Variants in POLE observed in about 807,000 individuals in gnomAD.
POLE encodes the protein DNA polymerase epsilon, catalytic subunit.
Under a neutral mutation model 279.2 loss-of-function variants are expected in POLE, and 188 were observed. The observed-to-expected ratio is 0.67, with a 90% CI of 0.60 to 0.76. The LOEUF (loss-of-function observed/expected upper bound fraction) is 0.76, where lower values mean the gene tolerates loss of function less well. Among genes scored for constraint, POLE ranks in the 30% least tolerant of loss-of-function variants. The pLI, the probability that POLE is intolerant of heterozygous loss-of-function variation, is 0.00. For synonymous variants in POLE, 1,214 were observed against 1,172.5 expected (o/e 1.04, Z -0.72); for missense variants, 2,703 against 3,016.7 (o/e 0.90, Z 2.44).
chr12:132,674,095 CG>C (rs1565973681), intron 12 of POLE, among the ~76,000 whole-genome samples: 1 of 152,038 alleles, frequency 6.6e-6, no homozygotes, highest in Non-Finnish European at 1.5e-5. Flanking sequence ...CCCTTCAGCA[CG>C]GAAACACTCA....
chr12:132,676,035 G>T, intron 10 of POLE, 59 bp downstream of exon 10: 1 of 1,177,092 alleles, frequency 8.5e-7, no homozygotes, highest in Non-Finnish European at 1.2e-6. Flanking sequence ...GCCTTGGAAA[G>T]ATCCACATGT....
rs2043133865 is a variant in POLE, at chr12:132,679,976, A to G, written c.401T>C (p.Val134Ala). Residue 134 changes from valine to alanine, a missense_variant, in exon 5 of 49, where the codon GTC (valine) becomes GCC (alanine). Physicochemically the swap from Val to Ala is moderately conservative, Grantham distance 64. Transcript: ENST00000320574. ...FQGKIAKVET[V>A]PKEDLDLPNH... Reference sequence around the variant, plus strand: ...CACCAAGTCCAGATCCTCTTTGGGGACAGTCTCCACTTTTGCAATTTTGCC... The same window carrying G: ...CACCAAGTCCAGATCCTCTTTGGGGGCAGTCTCCACTTTTGCAATTTTGCC... 6.2e-7 allele frequency: 1 copy of G among 1,613,202 alleles called. No homozygotes were observed. Among genetic ancestry groups the G allele is most frequent in the African/African-American group, 1.3e-5 (1 of 74,910 alleles).
chr12:132,659,231 G>A lies in POLE; in HGVS notation c.3275+64C>T, dbSNP rs5744862. 3 of 1,522,018 alleles carry A rather than the reference G, an allele frequency of 2.0e-6. No homozygotes were observed. The Admixed American group carries it at 5.4e-5, about 27-fold the overall frequency. 94.3% of individuals were successfully genotyped at this position (1,522,018 alleles called of 1,614,324 possible). On this transcript the variant is annotated intron_variant, in intron 26 of 48. Transcript: ENST00000320574. ...GGAGCCCTCACCTCTCCGTGACGGA[G>A]GGAGCCCTCACCTGTCCGTGATGGG...
chr12:132,664,421 A>G lies in POLE; in HGVS notation c.2510T>C (p.Phe837Ser), dbSNP rs139182500. Residue 837 changes from phenylalanine to serine, a missense_variant, in exon 22 of 49, where the codon TTC becomes TCC. Phe to Ser is a radical substitution (Grantham distance 155). Around this residue, in one of 5 missense-constraint regions of POLE, gnomAD observed 21 missense variants for 51.9 expected, o/e 0.40. Transcript: ENST00000320574. This position sits in a 1 kb window ranked among gnomAD's most constrained non-coding sequence, Gnocchi z 5.3. ...CTGGGTGATGATGTTGGCCCCTGTGAAGCAGACGATGCCAGCCATCTCCAT... is the reference window on the plus strand; with the variant it reads ...CTGGGTGATGATGTTGGCCCCTGTGGAGCAGACGATGCCAGCCATCTCCAT... ...YSMEMAGIVCFTGANIITQAR... is the reference protein window; with the variant it reads ...YSMEMAGIVCSTGANIITQAR... The G allele has an allele frequency of 2.4e-4, 384 of 1,613,958 alleles. 1 individual carries two copies. The highest frequency in any genetic ancestry group is 2.2e-4 in the Admixed American group (13 of 59,996).
At chr12:132,632,597 C>G (rs924913449) in intron 44 of POLE, 67 bp downstream of exon 44, 2 of 1,610,812 alleles carry the variant, frequency 1.2e-6, no homozygotes, top group Non-Finnish European at 8.5e-7. Context: ...GGGGACCACC[C>G]ATGGCACACA....
intron 2 of POLE, 165 bp downstream of exon 2, chr12:132,680,973 G>T: frequency 1.3e-6 from 1 of 767,864 alleles, no homozygotes; most frequent in Non-Finnish European, 2.0e-6. Flanking sequence ...CCTCTCTGTG[G>T]CCCTCAATGA....
intron 29 of POLE, among the ~76,000 whole-genome samples, chr12:132,653,680 T>G (rs2042472113): frequency 6.6e-6 from 1 of 152,358 alleles, no homozygotes; most frequent in Middle Eastern, 3.4e-3. Context: ...GGTTTAATTA[T>G]GCTGGCTAGG....
rs775465416 is a variant in POLE, at chr12:132,676,067, G to C, written c.1020+27C>G. 23 of 1,412,198 alleles carry C rather than the reference G, an allele frequency of 1.6e-5. No homozygotes were observed. In the African/African-American group the frequency reaches 1.9e-4, roughly 11 times the overall value. 87.5% of individuals were successfully genotyped at this position (1,412,198 alleles called of 1,614,324 possible). On this transcript the variant is annotated intron_variant, in intron 10 of 48. Transcript: ENST00000320574. ...ATGTCCGTTCTTCCCACAATACCGG[G>C]TAGTTTCCCAAGTGATACCTCCTTA...
chr12:132,659,224 T>A, intron 26 of POLE, 71 bp downstream of exon 26: 1 of 1,485,874 alleles, frequency 6.7e-7, no homozygotes, highest in South Asian at 1.2e-5. Flanking sequence ...CACCTCTCCG[T>A]GACGGAGGGA....
intron 41 of POLE, among the ~76,000 whole-genome samples, chr12:132,637,658 G>C (rs926319755): frequency 1.3e-5 from 2 of 152,218 alleles, no homozygotes; most frequent in African/African-American, 4.8e-5. Context: ...TCTATGAAAA[G>C]GCTTACAACG....
chr12:132,627,715 A>G (rs922443843), intron 45 of POLE, among the ~76,000 whole-genome samples: 1 of 152,246 alleles, frequency 6.6e-6, no homozygotes, highest in Non-Finnish European at 1.5e-5. Flanking sequence ...ATTAACGATC[A>G]TCTGAGCCTT....
rs2043051365 is a variant in POLE, at chr12:132,676,363, T to G, written c.910-159A>C. On this transcript the variant is annotated intron_variant, in intron 9 of 48. Coordinates refer to ENST00000320574, the MANE Select transcript of POLE (RefSeq NM_006231.4). ...GCTTCCTGAGAAGAGACGCTCTGTG[T>G]GTGGATTCCCACTCGAAAGGGGAGG... is the stretch of plus-strand genomic sequence containing the variant. 7.0e-6 allele frequency: 5 copies of G among 709,878 alleles called. No individual in the cohort carries two copies. The Admixed American group carries it at 1.2e-4, about 18-fold the overall frequency. The allele number at this position is 709,878 out of a possible 1,614,324, so 44.0% of individuals were successfully genotyped here. A position where few individuals can be genotyped will look rare whatever the true frequency, so the allele number is the denominator to read the frequency against.
rs542005543 is a variant in POLE, at chr12:132,625,598, C to A, written c.6657+47G>T. ...CGGCTCCCGGGAGTGCACAGAAACCCCCCTGTGGACTCCAGGGCACACGGG... is the reference window on the plus strand; with the variant it reads ...CGGCTCCCGGGAGTGCACAGAAACCACCCTGTGGACTCCAGGGCACACGGG... On this transcript the variant is annotated intron_variant, in intron 47 of 48. Coordinates refer to ENST00000320574, the MANE Select transcript of POLE (RefSeq NM_006231.4). The A allele has an allele frequency of 8.1e-6, 13 of 1,605,606 alleles. No homozygotes were observed. The South Asian group carries it at 1.4e-4, about 18-fold the overall frequency.
At chr12:132,641,175 T>C (rs756049122) in intron 39 of POLE, 7 of 415,174 alleles carry the variant, frequency 1.7e-5, no homozygotes, top group African/African-American at 6.1e-5. Context: ...ACAGCAAGCA[T>C]TGCCCAGCAT....
chr12:132,664,285 G>A lies in POLE; in HGVS notation c.2561+85C>T, dbSNP rs2042742928. The A allele has an allele frequency of 1.1e-5, 16 of 1,398,860 alleles. 1 individual carries two copies. The highest frequency in any genetic ancestry group is 1.4e-5 in the Non-Finnish European group (14 of 991,050). 86.7% of individuals were successfully genotyped at this position (1,398,860 alleles called of 1,614,324 possible). On this transcript the variant is annotated intron_variant, in intron 22 of 48. Transcript: ENST00000320574. This position sits in a 1 kb window ranked among gnomAD's most constrained non-coding sequence, Gnocchi z 5.3. ...CCTCCTTCCTTCCTGCCCAGTGTGT[G>A]GCCTCCAGCCTTCCCTCCTTCCTTC...
At chr12:132,625,038 G>C in intron 47 of POLE, 44 bp from the exon 48 acceptor site, 1 of 1,424,950 alleles carries the variant, frequency 7.0e-7, no homozygotes, top group Non-Finnish European at 9.9e-7. Flanking sequence ...TCCCGCGCTG[G>C]CCAGACCTGC....
chr12:132,641,715 G>C lies in POLE; in HGVS notation c.5310C>G (p.Ile1770Met). The C allele has an allele frequency of 1.2e-6, 2 of 1,613,616 alleles. No individual in the cohort carries two copies. The highest frequency in any genetic ancestry group is 1.7e-6 in the Non-Finnish European group (2 of 1,180,030). The change falls in exon 39 of 49, where the codon ATC (isoleucine) becomes ATG (methionine). Residue 1770 changes from isoleucine (I) to methionine (M), a missense_variant. This residue lies in a region of POLE where 1,551 missense variants were observed against 1,686.1 expected (regional missense o/e 0.92). Coordinates refer to ENST00000320574, the MANE Select transcript of POLE (RefSeq NM_006231.4). ...VIQQASLEDM[I>M]TGGQAASAPA... ...GGGCACTGGCAGCCTGACCACCCGT[G>C]ATCATGTCCTCCAGGGAGGCCTGCT...
rs201565127 is a variant in POLE at position 132,673,757 on chromosome 12, G to A, written c.1227-50C>T. 133 of 1,605,036 alleles carry A rather than the reference G, an allele frequency of 8.3e-5. No homozygotes were observed. Among genetic ancestry groups the A allele is most frequent in the Non-Finnish European group, 9.8e-5 (115 of 1,178,268 alleles). On this transcript the variant is annotated intron_variant, in intron 12 of 48. Coordinates refer to ENST00000320574, the MANE Select transcript of POLE (RefSeq NM_006231.4). ...CCAGGATGATTCTAACATGCAGCCC[G>A]GGAACCCCTGAGAACTGGCAAAACT...
intron 45 of POLE, among the ~76,000 whole-genome samples, chr12:132,630,407 A>G (rs1366165242): frequency 6.6e-6 from 1 of 152,184 alleles, no homozygotes; most frequent in East Asian, 1.9e-4. Context: ...ATAAAACCTA[A>G]AACTTCACCA....
Sources: gnomAD v4.1 joint callset for allele counts (sites outside exome capture counted in the v4.1 genomes callset) on GRCh38, gnomAD v4.1.1 for gene constraint, gnomAD v4.1.1 regional missense constraint, Gnocchi (gnomAD v3.1) non-coding constraint, MANE v1.5 for transcripts, NCBI Gene and HGNC (gene_info 2026-07-23, HGNC 2026-07-21) for gene names.